The following DLGAP2 variants were observed in gnomAD, a reference collection of about 807,000 sequenced individuals.
DLGAP2 encodes the protein disks large-associated protein 2.
Under a neutral mutation model 100.3 loss-of-function variants are expected in DLGAP2, and 26 were observed. The ratio of observed to expected loss-of-function variants is 0.26; its 90% confidence interval spans 0.19 to 0.36. The LOEUF is 0.36. DLGAP2 is among the 10% of genes least tolerant of loss of function. The pLI is 1.00. For synonymous variants in DLGAP2, 886 were observed against 630.1 expected (o/e 1.41, Z -6.08); for missense variants, 1,858 against 1,453.2 (o/e 1.28, Z -4.53).
chr8:1,691,504 G>C, intron 12 of DLGAP2, 31 bp from the exon 13 acceptor site: 1 of 1,587,672 alleles, frequency 6.3e-7, no homozygotes, highest in Non-Finnish European at 8.6e-7. Context: ...TGAAGTTGTT[G>C]TTTTTTTGTT....
chr8:1,155,478 C>T (rs1241605547), intron 2 of DLGAP2, among the ~76,000 whole-genome samples: 3 of 152,084 alleles, frequency 2.0e-5, no homozygotes, highest in African/African-American at 7.2e-5. Context: ...AATTCACTCT[C>T]GGAATCTTGG....
chr8:1,500,584 C>T (rs370507527), intron 3 of DLGAP2, among the ~76,000 whole-genome samples: 39 of 152,328 alleles, frequency 2.6e-4, no homozygotes, highest in Middle Eastern at 3.4e-3. Flanking sequence ...AGGAGAGCTA[C>T]GGGATGATGC....
intron 2 of DLGAP2, among the ~76,000 whole-genome samples, chr8:1,085,647 G>A (rs1803951265): frequency 6.6e-6 from 1 of 152,198 alleles, no homozygotes; most frequent in Non-Finnish European, 1.5e-5. Context: ...TTATGCCTGT[G>A]TGATGCTTTT....
intron 2 of DLGAP2, among the ~76,000 whole-genome samples, chr8:965,089 TTCA>T (rs1219629122): frequency 1.5e-5 from 2 of 135,316 alleles, no homozygotes; most frequent in Non-Finnish European, 3.1e-5. Context: ...CACGGCAGTG[TTCA>T]TCACACACGC....
chr8:1,048,077 G>A (rs959534679), intron 2 of DLGAP2, among the ~76,000 whole-genome samples: 2 of 152,150 alleles, frequency 1.3e-5, no homozygotes, highest in Non-Finnish European at 1.5e-5. Context: ...GCCTGAGTCC[G>A]AATTTCCGCT....
Position 893,674 on chromosome 8 carries a change from T to C in DLGAP2, c.19-14238T>C, listed in dbSNP as rs553267395. ...GGCATGCTGTGGTTTCATGACAGCA[T>C]CCAGCGGCCCTCCTGCCTGCAGGTC... On this transcript the variant is annotated intron_variant, in intron 1 of 14. Transcript: ENST00000637795. Among the ~76,000 whole-genome samples the C allele has an allele frequency of 4.1e-4, 62 of 152,326 alleles. No homozygotes were observed. The Middle Eastern group carries it at 0.017, about 42-fold the overall frequency.
At chr8:1,091,413 TC>T (rs1804177510) in intron 2 of DLGAP2, among the ~76,000 whole-genome samples, 1 of 152,244 alleles carries the variant, frequency 6.6e-6, no homozygotes, top group Non-Finnish European at 1.5e-5. Context: ...CTTTTCTCAG[TC>T]TAGTAAGACG....
intron 2 of DLGAP2, among the ~76,000 whole-genome samples, chr8:1,058,089 C>CGAGT (rs1359745475): frequency 6.6e-6 from 1 of 152,142 alleles, no homozygotes; most frequent in Non-Finnish European, 1.5e-5. Flanking sequence ...CCAAATTCCC[C>CGAGT]GAGTGAGGAT....
intron 4 of DLGAP2, among the ~76,000 whole-genome samples, chr8:1,528,635 C>G (rs1001164458): frequency 6.6e-6 from 1 of 152,372 alleles, no homozygotes; most frequent in East Asian, 1.9e-4. Context: ...CGCCTGGAGC[C>G]TCTTGTCCTC....
chr8:1,461,314 G>C, intron 3 of DLGAP2, among the ~76,000 whole-genome samples: 1 of 67,614 alleles, frequency 1.5e-5, no homozygotes, highest in Admixed American at 1.6e-4. Flanking sequence ...GAGGGAGAAG[G>C]GTGGCATTTG....
At chr8:1,216,197 C>G (rs1798209629) in intron 2 of DLGAP2, among the ~76,000 whole-genome samples, 1 of 152,202 alleles carries the variant, frequency 6.6e-6, no homozygotes, top group African/African-American at 2.4e-5. Context: ...CTGCGCTTAA[C>G]CATGTCACAT....
At chr8:830,423 C>T (rs1796760013) in intron 1 of DLGAP2, among the ~76,000 whole-genome samples, 1 of 152,170 alleles carries the variant, frequency 6.6e-6, no homozygotes, top group Non-Finnish European at 1.5e-5. Context: ...TTTGGACCCA[C>T]TAACCATCCC....
At chr8:994,257 G>C (rs754192591) in intron 2 of DLGAP2, among the ~76,000 whole-genome samples, 3 of 152,146 alleles carry the variant, frequency 2.0e-5, no homozygotes, top group Non-Finnish European at 4.4e-5. Context: ...CTGGAGTGCA[G>C]TGGCGCGATC....
At chr8:1,165,850 A>C (rs942139942) in intron 2 of DLGAP2, among the ~76,000 whole-genome samples, 1 of 148,112 alleles carries the variant, frequency 6.8e-6, no homozygotes, top group Non-Finnish European at 1.5e-5. Context: ...CCCACGTTAG[A>C]TTTAAGGGAA....
intron 1 of DLGAP2, among the ~76,000 whole-genome samples, chr8:841,235 C>G (rs1293130323): frequency 1.3e-5 from 2 of 152,128 alleles, no homozygotes; most frequent in Non-Finnish European, 2.9e-5. Context: ...CCAAAGAGGA[C>G]CAATTCATTA....
intron 2 of DLGAP2, among the ~76,000 whole-genome samples, chr8:1,081,041 T>C (rs1052430928): frequency 6.6e-6 from 1 of 152,222 alleles, no homozygotes; most frequent in African/African-American, 2.4e-5. Context: ...AAATTTAAAA[T>C]AAGATTTTAT....
At chr8:979,133 C>T (rs570789055) in intron 2 of DLGAP2, among the ~76,000 whole-genome samples, 2 of 152,124 alleles carry the variant, frequency 1.3e-5, no homozygotes, top group Non-Finnish European at 2.9e-5. Flanking sequence ...GTTCTTGAAT[C>T]CAGGTGAGCT....
intron 3 of DLGAP2, among the ~76,000 whole-genome samples, chr8:1,448,514 G>A (rs541558200): frequency 4.6e-5 from 7 of 152,066 alleles, no homozygotes; most frequent in Non-Finnish European, 8.8e-5. Context: ...CAACTATGTG[G>A]TCAATTTTGG....
intron 3 of DLGAP2, among the ~76,000 whole-genome samples, chr8:1,391,813 T>A (rs746589397): frequency 3.3e-5 from 5 of 152,252 alleles, no homozygotes; most frequent in Non-Finnish European, 7.3e-5. Flanking sequence ...AGAGGTCATT[T>A]CATTAAGCGG....
Sources: gnomAD v4.1 joint callset for allele counts (sites outside exome capture counted in the v4.1 genomes callset) on GRCh38, gnomAD v4.1.1 for gene constraint, MANE v1.5 for transcripts, NCBI Gene and HGNC (gene_info 2026-07-23, HGNC 2026-07-21) for gene names.